The following PLA2R1 variants were observed in gnomAD, a reference collection of about 807,000 sequenced individuals.
The protein encoded by PLA2R1 is phospholipase A2 receptor 1.
PLA2R1 carries 158 observed loss-of-function variants against 195.9 expected under a neutral mutation model. The observed-to-expected ratio is 0.81, with a 90% CI of 0.71 to 0.92. The LOEUF (loss-of-function observed/expected upper bound fraction) is 0.92. Ranked by LOEUF, PLA2R1 falls within the 40% of genes least tolerant of loss-of-function variation. PLA2R1 has a pLI of 0.00. For synonymous variants in PLA2R1, 586 were observed against 598.2 expected (o/e 0.98, Z 0.30); for missense variants, 1,626 against 1,764.6 (o/e 0.92, Z 1.41).
intron 8 of PLA2R1, among the ~76,000 whole-genome samples, chr2:160,019,583 G>C (rs886562856): frequency 2.0e-5 from 3 of 152,160 alleles, no homozygotes; most frequent in African/African-American, 4.8e-5. Context: ...ATTGTAAAAT[G>C]TAAATCAGGT....
intron 3 of PLA2R1, among the ~76,000 whole-genome samples, chr2:160,038,516 C>T (rs1395744557): frequency 6.6e-6 from 1 of 152,110 alleles, no homozygotes; most frequent in African/African-American, 2.4e-5. Flanking sequence ...AGACTTGGCC[C>T]ATGTAGGAGG....
chr2:160,044,870 C>T lies in PLA2R1; in HGVS notation c.397G>A (p.Ala133Thr), dbSNP rs1233287154. Residue 133 changes from alanine (A) to threonine (T), a missense_variant, in exon 2 of 30, where the codon GCG becomes ACG. Physicochemically the swap from Ala to Thr is moderately conservative, Grantham distance 58 (BLOSUM62 0). Transcript: ENST00000283243. ...GAGGCCACCACTGTGTTGTCATGCGCCACCTGGACAGAGTACTGCAGCGGG... is the reference window on the plus strand; with the variant it reads ...GAGGCCACCACTGTGTTGTCATGCGTCACCTGGACAGAGTACTGCAGCGGG... ...TGPLQYSVQV[A>T]HDNTVVASRK... 1.2e-6 allele frequency: 2 copies of T among 1,614,176 alleles called. No homozygotes were observed. The highest frequency in any genetic ancestry group is 1.6e-4 in the Middle Eastern group (1 of 6,062).
intron 28 of PLA2R1, among the ~76,000 whole-genome samples, chr2:159,942,782 C>G (rs2125915919): frequency 6.6e-6 from 1 of 152,198 alleles, no homozygotes; most frequent in East Asian, 1.9e-4. Context: ...AATGTGAACT[C>G]TTCTATTTTT....
rs573780800 is a variant in PLA2R1, at chr2:160,014,196, T to C, written c.1552-821A>G. On this transcript the variant is annotated intron_variant, in intron 9 of 29. Coordinates refer to ENST00000283243, the MANE Select transcript of PLA2R1 (RefSeq NM_007366.5). ...TTGTTTGGAGCATAATGCTTCCAAA[T>C]AGAGAATGGCCAATATATGTATTTT... Among the ~76,000 whole-genome samples, 61 of 151,798 alleles carry C rather than the reference T, an allele frequency of 4.0e-4. 1 individual carries two copies. The highest frequency in any genetic ancestry group is 7.2e-4 in the Admixed American group (11 of 15,240).
At chr2:159,931,001 A>G (rs1452794277), downstream of PLA2R1, among the ~76,000 whole-genome samples, 7 of 152,110 alleles carry the variant, frequency 4.6e-5, no homozygotes, top group Non-Finnish European at 1.0e-4. Flanking sequence ...TCCAGAGTTC[A>G]GTTCTGAGGG....
intron 20 of PLA2R1, among the ~76,000 whole-genome samples, chr2:159,965,047 A>G (rs558081991): frequency 1.3e-5 from 2 of 150,076 alleles, no homozygotes; most frequent in African/African-American, 4.9e-5. Context: ...AGGAAGGTAC[A>G]GAGATTTCCC....
chr2:160,035,207 A>G (rs553365866), intron 3 of PLA2R1, among the ~76,000 whole-genome samples: 2 of 152,354 alleles, frequency 1.3e-5, no homozygotes, highest in South Asian at 4.1e-4. Context: ...ACTGGCAGAC[A>G]CAAGTCCTTT....
intron 9 of PLA2R1, among the ~76,000 whole-genome samples, chr2:160,013,927 T>C (rs1692562821): frequency 6.6e-6 from 1 of 152,146 alleles, no homozygotes; most frequent in Non-Finnish European, 1.5e-5. Context: ...ATAGTATTTA[T>C]GGGGTTGTTC....
intron 12 of PLA2R1, 94 bp downstream of exon 12, chr2:159,987,062 A>G: frequency 3.1e-6 from 3 of 958,272 alleles, no homozygotes; most frequent in Non-Finnish European, 4.9e-6. Flanking sequence ...TTCTGGAAAA[A>G]AAAAGGGCCC....
At position 160,062,558 on chromosome 2, in the gene PLA2R1, G is replaced by GC. The variant is rs1386530413; in HGVS notation, c.-156dup. On this transcript the variant is annotated 5_prime_UTR_variant, in exon 1 of 30. Transcript: ENST00000283243. ...CCTCCGGGGGCCTTGCCAGCCCAGA[G>GC]CCCTGGAGACCCACTCCGCCACCGC... 6.1e-6 allele frequency: 8 copies of GC among 1,313,680 alleles called. No homozygotes were observed. Among genetic ancestry groups the GC allele is most frequent in the Non-Finnish European group, 6.9e-6 (7 of 1,016,252 alleles). The allele number at this position is 1,313,680 out of a possible 1,614,324, so 81.4% of individuals were successfully genotyped here.
At chr2:160,013,872 C>T (rs983182890) in intron 9 of PLA2R1, among the ~76,000 whole-genome samples, 5 of 151,894 alleles carry the variant, frequency 3.3e-5, no homozygotes, top group Non-Finnish European at 7.4e-5. Context: ...ACTGTGCAAC[C>T]TTGTTTAATA....
chr2:159,987,063 A>T, intron 12 of PLA2R1, 93 bp downstream of exon 12: 2 of 966,928 alleles, frequency 2.1e-6, no homozygotes, highest in Non-Finnish European at 3.2e-6. Context: ...TCTGGAAAAA[A>T]AAAGGGCCCC....
the PLA2R1 span, among the ~76,000 whole-genome samples, chr2:159,924,248 C>T: frequency 6.6e-6 from 1 of 152,188 alleles, no homozygotes; most frequent in Admixed American, 6.5e-5. Flanking sequence ...GCATGTGAGG[C>T]CCACCTGGGT....
At chr2:159,949,840 T>C (rs1687629320) in intron 24 of PLA2R1, 64 bp from the exon 25 acceptor site, 1 of 1,324,562 alleles carries the variant, frequency 7.5e-7, no homozygotes. Flanking sequence ...CCCAGTGTTA[T>C]CTGAGCATGC....
intron 28 of PLA2R1, 71 bp from the exon 29 acceptor site, chr2:159,942,230 A>G: frequency 8.5e-7 from 1 of 1,171,548 alleles, no homozygotes. Context: ...TTACTTACTC[A>G]GGGATCAGCA....
chr2:160,056,739 T>C (rs888817152), intron 1 of PLA2R1, among the ~76,000 whole-genome samples: 2 of 152,180 alleles, frequency 1.3e-5, no homozygotes, highest in African/African-American at 2.4e-5. Context: ...TTCAAGGTGA[T>C]AGGAGACCCT....
In PLA2R1 at chr2:160,020,167, T is replaced by G; in HGVS notation, c.1391A>C (p.His464Pro). 6.2e-7 allele frequency: 1 copy of G among 1,613,476 alleles called. No homozygotes were observed. The highest frequency in any genetic ancestry group is 8.5e-7 in the Non-Finnish European group (1 of 1,179,398). ...NDSSVIFTNW[H>P]TLEPHIFPNR... Reference sequence around the variant, plus strand: ...TGGAAAAATGTGGGGCTCAAGTGTGTGCCAATTAGTAAAGATGACTGAAGA... The same window carrying G: ...TGGAAAAATGTGGGGCTCAAGTGTGGGCCAATTAGTAAAGATGACTGAAGA... Residue 464 changes from histidine to proline, a missense_variant, in exon 8 of 30, where the codon CAC becomes CCC. His to Pro is a moderately conservative substitution (Grantham distance 77). Coordinates refer to ENST00000283243, the MANE Select transcript of PLA2R1 (RefSeq NM_007366.5).
intron 14 of PLA2R1, among the ~76,000 whole-genome samples, chr2:159,979,257 G>GA (rs1262277093): frequency 1.3e-5 from 2 of 151,946 alleles, no homozygotes; most frequent in Non-Finnish European, 2.9e-5. Flanking sequence ...ATTGCAACTG[G>GA]AAAAAAATAC....
Position 159,977,391 on chromosome 2 carries a change from G to A in PLA2R1, c.2294C>T (p.Thr765Ile), listed in dbSNP as rs1423360776. The change falls in exon 15 of 30, where the codon ACT becomes ATT. Residue 765 changes from threonine to isoleucine, a missense_variant. Thr to Ile is a moderately conservative substitution (Grantham distance 89). Coordinates refer to ENST00000283243, the MANE Select transcript of PLA2R1 (RefSeq NM_007366.5). The stretch of plus-strand genomic sequence containing the variant: ...GTTTCTTGCATCTTCTCCAAAATAA[G>A]TGTTGTCTAAAAACGAAGAGACAAC... ...TPVVSSFLDN[T>I]YFGEDARNCA... 2 of 1,612,820 alleles carry A rather than the reference G, an allele frequency of 1.2e-6. No homozygotes were observed. The highest frequency in any genetic ancestry group is 8.5e-7 in the Non-Finnish European group (1 of 1,179,044).
Sources: gnomAD v4.1 joint callset for allele counts (sites outside exome capture counted in the v4.1 genomes callset) on GRCh38, gnomAD v4.1.1 for gene constraint, MANE v1.5 for transcripts, NCBI Gene and HGNC (gene_info 2026-07-23, HGNC 2026-07-21) for gene names.